Variants in SDK1 observed in about 807,000 individuals in gnomAD.
SDK1 encodes sidekick cell adhesion molecule 1.
A neutral mutation model predicts 245.5 loss-of-function variants in SDK1; 157 were observed. That is an observed-to-expected ratio of 0.64 (90% CI 0.56 to 0.73). SDK1 has a LOEUF of 0.73. Ranked by LOEUF, SDK1 falls within the 30% of genes least tolerant of loss-of-function variation. The probability of loss-of-function intolerance (pLI) is 0.00; values close to 1 mark genes in which losing one functional copy is unlikely to be tolerated. For missense variants in SDK1, 3,583 were observed against 3,002.3 expected (o/e 1.19, Z -4.52); for synonymous variants, 1,647 against 1,278.5 (o/e 1.29, Z -6.15).
chr7:4,145,357 G>C (rs1229247919), intron 28 of SDK1, among the ~76,000 whole-genome samples: 1 of 152,158 alleles, frequency 6.6e-6, no homozygotes, highest in South Asian at 2.1e-4. Flanking sequence ...GCGACGGGGA[G>C]AGCCAGACTG....
intron 4 of SDK1, among the ~76,000 whole-genome samples, chr7:3,697,003 C>G (rs1246425062): frequency 6.6e-6 from 1 of 151,742 alleles, no homozygotes; most frequent in East Asian, 1.9e-4. Context: ...TTTAGAAATG[C>G]TTTAAAGATC....
intron 1 of SDK1, among the ~76,000 whole-genome samples, chr7:3,377,346 G>C (rs752994314): frequency 6.6e-6 from 1 of 152,102 alleles, no homozygotes. Flanking sequence ...TACTGCAGCT[G>C]CCGCAGGTTT....
At chr7:3,788,446 T>C (rs1218104470) in intron 4 of SDK1, among the ~76,000 whole-genome samples, 1 of 152,162 alleles carries the variant, frequency 6.6e-6, no homozygotes, top group African/African-American at 2.4e-5. Flanking sequence ...CTGTCTGTGA[T>C]ATCTACCACC....
intron 35 of SDK1, among the ~76,000 whole-genome samples, chr7:4,203,907 C>G (rs1784039102): frequency 6.6e-6 from 1 of 152,272 alleles, no homozygotes; most frequent in Non-Finnish European, 1.5e-5. Context: ...CAGTGCGGCT[C>G]AGCTGCCTGA....
chr7:3,598,544 A>T (rs1781145778), intron 1 of SDK1, among the ~76,000 whole-genome samples: 1 of 152,242 alleles, frequency 6.6e-6, no homozygotes, highest in Non-Finnish European at 1.5e-5. Context: ...GCATCAGGGC[A>T]GTCAAGACCA....
chr7:3,363,063 A>G (rs1232498850), intron 1 of SDK1, among the ~76,000 whole-genome samples: 1 of 152,178 alleles, frequency 6.6e-6, no homozygotes, highest in East Asian at 1.9e-4. Flanking sequence ...ACTTTAGTAC[A>G]GTCAAGAAAC....
At chr7:3,710,990 C>G (rs1435227608) in intron 4 of SDK1, among the ~76,000 whole-genome samples, 1 of 152,126 alleles carries the variant, frequency 6.6e-6, no homozygotes, top group East Asian at 1.9e-4. Context: ...CAGTTTCAAA[C>G]TTTACAATTA....
chr7:3,909,554 G>A (rs1779082051), intron 5 of SDK1, among the ~76,000 whole-genome samples: 2 of 152,224 alleles, frequency 1.3e-5, no homozygotes, highest in African/African-American at 4.8e-5. Context: ...GGGAAAAGGG[G>A]ACAGTGACGG....
intron 5 of SDK1, among the ~76,000 whole-genome samples, chr7:3,865,728 T>C (rs1323584207): frequency 2.0e-5 from 3 of 151,808 alleles, no homozygotes; most frequent in African/African-American, 7.3e-5. Context: ...TTGCCCAGGC[T>C]GGTCTGAAAC....
Position 4,201,789 on chromosome 7 carries a change from G to A in SDK1, c.5099-4090G>A, listed in dbSNP as rs562577024. ...TGGCTTTGGCAACAACAGATTACTG[G>A]CATGGCACAGGGAGGCTTTGGCAAC... On this transcript the variant is annotated intron_variant, in intron 35 of 44. Transcript: ENST00000404826. 7.2e-5 allele frequency among the ~76,000 whole-genome samples: 11 copies of A among 152,260 alleles called. No individual in the cohort carries two copies. In the East Asian group the frequency reaches 1.9e-3, roughly 27 times the overall value.
chr7:4,191,923 A>C (rs572371195), intron 35 of SDK1, among the ~76,000 whole-genome samples: 5 of 152,218 alleles, frequency 3.3e-5, no homozygotes, highest in Admixed American at 3.3e-4. Context: ...GCACCAGAAC[A>C]GCAGATTTGA....
intron 35 of SDK1, among the ~76,000 whole-genome samples, chr7:4,198,074 G>A (rs1450105913): frequency 2.7e-5 from 4 of 148,802 alleles, no homozygotes; most frequent in Non-Finnish European, 4.5e-5. Context: ...ACAGAGGGCT[G>A]CAGGACGTGG....
At chr7:3,519,397 T>A (rs1322741886) in intron 1 of SDK1, among the ~76,000 whole-genome samples, 1 of 152,182 alleles carries the variant, frequency 6.6e-6, no homozygotes, top group African/African-American at 2.4e-5. Context: ...TACATATATA[T>A]GATTATTATG....
At chr7:3,916,340 CTGTT>C (rs1271651633) in intron 5 of SDK1, among the ~76,000 whole-genome samples, 4 of 152,338 alleles carry the variant, frequency 2.6e-5, no homozygotes, top group African/African-American at 4.8e-5. Flanking sequence ...TCATAGCTGT[CTGTT>C]TGGGAACAAA....
At chr7:4,014,081 G>A (rs1456065841) in intron 16 of SDK1, among the ~76,000 whole-genome samples, 1 of 152,246 alleles carries the variant, frequency 6.6e-6, no homozygotes. Context: ...ATAATTGGCT[G>A]CCCTCTGTAC....
At chr7:3,530,560 T>C (rs1332214980) in intron 1 of SDK1, among the ~76,000 whole-genome samples, 1 of 152,194 alleles carries the variant, frequency 6.6e-6, no homozygotes, top group Non-Finnish European at 1.5e-5. Context: ...AAAAATATAT[T>C]GATAGAATGA....
intron 35 of SDK1, among the ~76,000 whole-genome samples, chr7:4,194,323 TGCAC>T (rs1783431380): frequency 3.3e-5 from 4 of 120,446 alleles, no homozygotes; most frequent in Non-Finnish European, 6.7e-5. Flanking sequence ...CATATATGTA[TGCAC>T]GTATGTGTAT....
At chr7:3,853,614 C>T (rs891879440) in intron 5 of SDK1, among the ~76,000 whole-genome samples, 1 of 152,024 alleles carries the variant, frequency 6.6e-6, no homozygotes, top group Non-Finnish European at 1.5e-5. Context: ...ACCAGTTGAG[C>T]ACCCCTAATC....
chr7:3,742,627 A>G (rs949979913), intron 4 of SDK1, among the ~76,000 whole-genome samples: 1 of 152,194 alleles, frequency 6.6e-6, no homozygotes, highest in African/African-American at 2.4e-5. Context: ...CAAATAGTAT[A>G]AAAGCTTCCA....
Sources: gnomAD v4.1 joint callset for allele counts (sites outside exome capture counted in the v4.1 genomes callset) on GRCh38, gnomAD v4.1.1 for gene constraint, MANE v1.5 for transcripts, NCBI Gene and HGNC (gene_info 2026-07-23, HGNC 2026-07-21) for gene names.